Variants in KBTBD12 observed in about 807,000 individuals in gnomAD.
KBTBD12 encodes the protein kelch repeat and BTB domain containing 12.
A neutral mutation model predicts 58.7 loss-of-function variants in KBTBD12; 53 were observed. The observed-to-expected ratio is 0.90, with a 90% confidence interval of 0.72 to 1.14. KBTBD12 has a LOEUF of 1.14. Among genes scored for constraint, KBTBD12 ranks in the 50% most tolerant of loss-of-function variants. The pLI is 0.00. For missense variants in KBTBD12, 704 were observed against 751.3 expected, an observed-to-expected ratio of 0.94 and a Z score of 0.74; for synonymous variants, 236 against 259.8, an observed-to-expected ratio of 0.91 and a Z score of 0.88.
intron 4 of KBTBD12, among the ~76,000 whole-genome samples, chr3:127,950,753 C>T (rs751313821): frequency 9.2e-5 from 14 of 152,056 alleles, no homozygotes; most frequent in Non-Finnish European, 4.4e-5. Context: ...AAAATGAGGC[C>T]GGGCACGGTG....
rs765251160 is a variant in KBTBD12, at chr3:127,923,026, A to G, written c.-36A>G. On this transcript the variant is annotated 5_prime_UTR_variant, in exon 2 of 6. The change abolishes the stop of an existing upstream ORF in the 5' untranslated region. Transcript: ENST00000405109. ...GCCCCTCAGGAATCAAGCTACACTTAAAGAAGACTTAGTTGGAAACTTTGG... is the reference window on the plus strand; with the variant it reads ...GCCCCTCAGGAATCAAGCTACACTTGAAGAAGACTTAGTTGGAAACTTTGG... 3.1e-6 allele frequency: 4 copies of G among 1,278,266 alleles called. No homozygotes were observed. In the Admixed American group the frequency reaches 5.3e-5, roughly 17 times the overall value. 79.2% of individuals were successfully genotyped at this position (1,278,266 alleles called of 1,614,324 possible).
At chr3:127,921,969 G>A (rs1939421527) in intron 1 of KBTBD12, among the ~76,000 whole-genome samples, 1 of 152,096 alleles carries the variant, frequency 6.6e-6, no homozygotes, top group Admixed American at 6.5e-5. Flanking sequence ...TCCCATCAAT[G>A]TTATTCTCAC....
rs116368674 is a variant in KBTBD12, at chr3:127,981,466, G to A, written c.1691-2631G>A. Among the ~76,000 whole-genome samples, 892 of 152,266 alleles carry A rather than the reference G, an allele frequency of 5.9e-3. 7 individuals carry two copies. Among genetic ancestry groups the A allele is most frequent in the Non-Finnish European group, 9.8e-3 (665 of 68,010 alleles). ...ATAAATAGAATTACTTCTAGAAACAGTTTATCCCACTTTTGATGTTGCTGA... is the reference window on the plus strand; with the variant it reads ...ATAAATAGAATTACTTCTAGAAACAATTTATCCCACTTTTGATGTTGCTGA... On this transcript the variant is annotated intron_variant, in intron 5 of 5. Coordinates refer to ENST00000405109, the MANE Select transcript of KBTBD12 (RefSeq NM_207335.4).
intron 5 of KBTBD12, among the ~76,000 whole-genome samples, chr3:127,977,975 CTTTAATCCATCTT>C (rs1041539207): frequency 1.3e-5 from 2 of 152,122 alleles, no homozygotes; most frequent in African/African-American, 4.8e-5. Context: ...ACATTTAAAT[CTTTAATCCATCTT>C]GAGTTGATTT....
chr3:127,947,225 C>CTT, intron 4 of KBTBD12, among the ~76,000 whole-genome samples: 2 of 152,220 alleles, frequency 1.3e-5, no homozygotes, highest in Non-Finnish European at 2.9e-5. Flanking sequence ...GATCTCCTCC[C>CTT]TGAGAGGATT....
At chr3:127,983,294 T>C (rs543375914) in intron 5 of KBTBD12, among the ~76,000 whole-genome samples, 13 of 152,302 alleles carry the variant, frequency 8.5e-5, no homozygotes, top group African/African-American at 3.1e-4. Context: ...GTTTGTTCTC[T>C]CTGAAACTCA....
intron 3 of KBTBD12, among the ~76,000 whole-genome samples, chr3:127,929,229 C>T (rs1318607343): frequency 1.3e-5 from 2 of 152,112 alleles, no homozygotes; most frequent in Admixed American, 6.5e-5. Context: ...CTTTGCTACC[C>T]GATTGAGTAC....
intron 4 of KBTBD12, among the ~76,000 whole-genome samples, chr3:127,938,468 T>C (rs1469422726): frequency 6.6e-6 from 1 of 151,642 alleles, no homozygotes; most frequent in African/African-American, 2.4e-5. Context: ...ATGGGAAAAA[T>C]AGAGTTAAAG....
chr3:127,953,166 A>G (rs916511368), intron 4 of KBTBD12, among the ~76,000 whole-genome samples: 2 of 152,260 alleles, frequency 1.3e-5, no homozygotes, highest in African/African-American at 4.8e-5. Flanking sequence ...GATGAGAGTT[A>G]TAACAATCAT....
intron 5 of KBTBD12, among the ~76,000 whole-genome samples, chr3:127,981,785 C>G (rs903134004): frequency 6.6e-6 from 1 of 152,192 alleles, no homozygotes; most frequent in East Asian, 1.9e-4. Context: ...AATAAAAATA[C>G]AAAAATTAGC....
intron 5 of KBTBD12, 190 bp downstream of exon 5, chr3:127,963,576 C>T: frequency 1.8e-6 from 1 of 558,200 alleles, no homozygotes. Flanking sequence ...CTGGCACATC[C>T]ATAGGCTGTC....
At chr3:127,934,580 T>G (rs1939785300) in intron 4 of KBTBD12, among the ~76,000 whole-genome samples, 1 of 152,102 alleles carries the variant, frequency 6.6e-6, no homozygotes, top group African/African-American at 2.4e-5. Flanking sequence ...TTATCAGACC[T>G]CATGTAGGAT....
At chr3:127,915,678 G>A (rs1330307546) in intron 1 of KBTBD12, 92 bp downstream of exon 1, 2 of 152,208 alleles carry the variant, frequency 1.3e-5, no homozygotes, top group Non-Finnish European at 2.9e-5. Flanking sequence ...GCCGACCCGG[G>A]GCCACCGGCA....
At chr3:127,939,249 G>T (rs1447063392) in intron 4 of KBTBD12, among the ~76,000 whole-genome samples, 1 of 152,154 alleles carries the variant, frequency 6.6e-6, no homozygotes, top group Non-Finnish European at 1.5e-5. Flanking sequence ...AGAGGGTGTG[G>T]TCAACCCACG....
chr3:127,951,922 CTGTT>C (rs75319761), intron 4 of KBTBD12, among the ~76,000 whole-genome samples: 22,902 of 152,042 alleles, frequency 0.15, 1,902 homozygotes, highest in South Asian at 0.32. Context: ...GCTACCTTGA[CTGTT>C]TGAGTTCTCA....
chr3:127,976,828 T>G (rs1167211066), intron 5 of KBTBD12, among the ~76,000 whole-genome samples: 1 of 151,198 alleles, frequency 6.6e-6, no homozygotes, highest in Non-Finnish European at 1.5e-5. Flanking sequence ...CTGTTCTTTT[T>G]GTGTGTGTTA....
chr3:127,924,180 C>A, intron 2 of KBTBD12, 49 bp downstream of exon 2: 1 of 1,207,032 alleles, frequency 8.3e-7, no homozygotes, highest in Non-Finnish European at 1.2e-6. Flanking sequence ...TTGATACTAG[C>A]AGCAGTAGAA....
At chr3:127,979,996 A>G (rs1940846833) in intron 5 of KBTBD12, among the ~76,000 whole-genome samples, 1 of 152,240 alleles carries the variant, frequency 6.6e-6, no homozygotes. Context: ...AGATGTTAAA[A>G]CATTTTCCTA....
chr3:127,929,776 G>C (rs1285813761), intron 3 of KBTBD12, among the ~76,000 whole-genome samples: 1 of 151,576 alleles, frequency 6.6e-6, no homozygotes, highest in Non-Finnish European at 1.5e-5. Context: ...CTACTATAAA[G>C]TTTGGTAAAA....
Sources: allele counts gnomAD v4.1 joint callset (sites outside exome capture counted in the v4.1 genomes callset), GRCh38; gene constraint gnomAD v4.1.1; transcripts MANE v1.5; gene names NCBI Gene and HGNC (gene_info 2026-07-23, HGNC 2026-07-21).